AZIN1: variants seen among roughly 807,000 people sequenced by gnomAD.
AZIN1 encodes ornithine decarboxylase antizyme inhibitor.
A neutral mutation model predicts 47.4 loss-of-function variants in AZIN1; 12 were observed. The observed-to-expected ratio is 0.25, with a 90% CI of 0.16 to 0.41. The LOEUF is 0.41. AZIN1 is among the 10% of genes least tolerant of loss of function. The pLI, the probability that AZIN1 is intolerant of heterozygous loss-of-function variation, is 1.00. For missense variants in AZIN1, 410 were observed against 532.4 expected, an observed-to-expected ratio of 0.77 and a Z score of 2.26; for synonymous variants, 155 against 176.3, an observed-to-expected ratio of 0.88 and a Z score of 0.96.
intron 2 of AZIN1, among the ~76,000 whole-genome samples, chr8:102,852,594 A>T (rs116070907): frequency 0.04 from 6,063 of 152,038 alleles, 370 homozygotes; most frequent in African/African-American, 0.13. Flanking sequence ...TAAAAAAAAA[A>T]TTTTTTAATA....
intron 5 of AZIN1, among the ~76,000 whole-genome samples, chr8:102,838,434 T>C (rs893913306): frequency 1.3e-5 from 2 of 152,080 alleles, no homozygotes; most frequent in African/African-American, 4.8e-5. Flanking sequence ...CAAACAAAGT[T>C]ATAGAAATAA....
At chr8:102,864,166 G>C (rs1001371924), upstream of AZIN1, 3 of 182,220 alleles carry the variant, frequency 1.6e-5, no homozygotes, top group East Asian at 1.9e-4. Context: ...GAAAGTGTGA[G>C]AAGGCGGCGC....
intron 3 of AZIN1, 76 bp from the exon 4 acceptor site, chr8:102,839,899 A>G: frequency 1.9e-6 from 2 of 1,048,208 alleles, no homozygotes; most frequent in Non-Finnish European, 2.7e-6. Flanking sequence ...AGGAAAGAAC[A>G]CCTCTTTTCC....
intron 6 of AZIN1, 170 bp from the exon 7 acceptor site, chr8:102,834,917 T>C: frequency 1.8e-6 from 1 of 550,544 alleles, no homozygotes; most frequent in Non-Finnish European, 3.2e-6. Context: ...AAAGTTACAG[T>C]ACCAGCTTTA....
intron 2 of AZIN1, among the ~76,000 whole-genome samples, chr8:102,849,765 T>A (rs1586191929): frequency 1.6e-5 from 2 of 124,236 alleles, no homozygotes; most frequent in South Asian, 5.1e-4. Flanking sequence ...AATAATTTCC[T>A]CTTAGACTCA....
chr8:102,839,357 G>C (rs1812029254), intron 4 of AZIN1, among the ~76,000 whole-genome samples: 1 of 152,146 alleles, frequency 6.6e-6, no homozygotes, highest in African/African-American at 2.4e-5. Context: ...TCAGAGTTTA[G>C]ATATCTGCTG....
chr8:102,854,291 C>G (rs1813123109), intron 2 of AZIN1, among the ~76,000 whole-genome samples: 1 of 151,988 alleles, frequency 6.6e-6, no homozygotes, highest in African/African-American at 2.4e-5. Context: ...GGAAGGAGTA[C>G]TAGCAAATTC....
rs769197838 is a variant in AZIN1, at chr8:102,838,873, T to C, written c.320A>G (p.Asn107Ser). ...LVQELGVPPE[N>S]IIYISPCKQV... is the part of the protein sequence containing the mutation. Reference sequence around the variant, plus strand: ...CTTGCAAGGACTTATGTAAATAATGTTTTCTGGAGGTACACCCAACTCTTG... The same window carrying C: ...CTTGCAAGGACTTATGTAAATAATGCTTTCTGGAGGTACACCCAACTCTTG... Residue 107 changes from asparagine (N) to serine (S), a missense_variant, in exon 5 of 12, where the codon AAC becomes AGC. Asn to Ser is a conservative substitution (Grantham distance 46). Around this residue, in one of 3 missense-constraint regions of AZIN1, gnomAD observed 237 missense variants for 309.4 expected, o/e 0.77. Coordinates refer to ENST00000337198, the MANE Select transcript of AZIN1 (RefSeq NM_148174.4). 4.3e-5 allele frequency: 69 copies of C among 1,613,602 alleles called. No homozygotes were observed. The highest frequency in any genetic ancestry group is 5.7e-5 in the Non-Finnish European group (67 of 1,179,854).
At chr8:102,829,568 T>C in intron 10 of AZIN1, 82 bp from the exon 11 acceptor site, 1 of 1,293,628 alleles carries the variant, frequency 7.7e-7, no homozygotes, top group Non-Finnish European at 1.1e-6. Flanking sequence ...ATTTTCACTG[T>C]CTCAGATCCA....
At chr8:102,830,879 T>TG (rs1359446349) in intron 9 of AZIN1, among the ~76,000 whole-genome samples, 1 of 152,148 alleles carries the variant, frequency 6.6e-6, no homozygotes, top group Admixed American at 6.6e-5. Flanking sequence ...AGGGCCTCAC[T>TG]GTTACTCAGG....
chr8:102,834,166 A>T, intron 8 of AZIN1, 23 bp downstream of exon 8: 1 of 1,591,806 alleles, frequency 6.3e-7, no homozygotes, highest in Non-Finnish European at 8.6e-7. Context: ...TATTCTGTTA[A>T]TGTCATCTAC....
chr8:102,848,762 T>C (rs1366900208), intron 2 of AZIN1, among the ~76,000 whole-genome samples: 1 of 152,126 alleles, frequency 6.6e-6, no homozygotes, highest in Non-Finnish European at 1.5e-5. Flanking sequence ...TTAGCAAAAA[T>C]AGTTTACAGT....
intron 11 of AZIN1, among the ~76,000 whole-genome samples, chr8:102,829,063 T>C (rs1811275923): frequency 6.6e-6 from 1 of 152,210 alleles, no homozygotes; most frequent in Admixed American, 6.5e-5. Flanking sequence ...ATATACCACA[T>C]GGCCTAGATT....
rs1812364190 is a variant in AZIN1, at chr8:102,843,615, C to T, written c.38G>A (p.Gly13Asp). Reference protein sequence around the residue: ...GFIDDANYSVGLLDEGTNLGN... With the variant: ...GFIDDANYSVDLLDEGTNLGN... ...AAGGTTTGTTCCTTCATCCAACAGG[C>T]CAACGGAGTAGTTTGCATCATCAAT... The change falls in exon 3 of 12, where the codon GGC becomes GAC. Residue 13 changes from glycine (G) to aspartate (D), a missense_variant. Coordinates refer to ENST00000337198, the MANE Select transcript of AZIN1 (RefSeq NM_148174.4). 6.2e-7 allele frequency: 1 copy of T among 1,614,062 alleles called. No individual in the cohort carries two copies. Among genetic ancestry groups the T allele is most frequent in the African/African-American group, 1.3e-5 (1 of 75,046 alleles).
chr8:102,851,020 G>A (rs1334047077), intron 2 of AZIN1, among the ~76,000 whole-genome samples: 2 of 152,142 alleles, frequency 1.3e-5, no homozygotes, highest in African/African-American at 2.4e-5. Context: ...ATTTTTGCAC[G>A]TGGAATTAAC....
At chr8:102,851,493 A>C (rs1424783754) in intron 2 of AZIN1, among the ~76,000 whole-genome samples, 1 of 152,156 alleles carries the variant, frequency 6.6e-6, no homozygotes, top group African/African-American at 2.4e-5. Context: ...GGATCATGAG[A>C]TCAGGAGTTC....
intron 9 of AZIN1, among the ~76,000 whole-genome samples, chr8:102,831,761 G>A (rs532044406): frequency 1.3e-5 from 2 of 151,862 alleles, no homozygotes; most frequent in African/African-American, 4.8e-5. Context: ...AGACCAGCCT[G>A]AGAAACACGA....
intron 2 of AZIN1, among the ~76,000 whole-genome samples, chr8:102,851,329 G>A (rs1460458994): frequency 6.6e-6 from 1 of 152,188 alleles, no homozygotes; most frequent in African/African-American, 2.4e-5. Flanking sequence ...TTGCCTGCCT[G>A]TCCACTACTC....
At chr8:102,844,547 C>CGT (rs1563541028) in intron 2 of AZIN1, among the ~76,000 whole-genome samples, 1 of 151,598 alleles carries the variant, frequency 6.6e-6, no homozygotes, top group Non-Finnish European at 1.5e-5. Flanking sequence ...CAGAAGACCT[C>CGT]GTCCTGGCTA....
Sources: allele counts gnomAD v4.1 joint callset (sites outside exome capture counted in the v4.1 genomes callset), GRCh38; gene constraint gnomAD v4.1.1; regional missense constraint gnomAD v4.1.1; transcripts MANE v1.5; gene names NCBI Gene and HGNC (gene_info 2026-07-23, HGNC 2026-07-21).